HTATIP2: variants seen among roughly 807,000 people sequenced by gnomAD.
The protein encoded by HTATIP2 is protein HTATIP2.
Under a neutral mutation model 24.7 loss-of-function variants are expected in HTATIP2, and 26 were observed. The ratio of observed to expected loss-of-function variants is 1.05; its 90% CI spans 0.77 to 1.46. HTATIP2 has a LOEUF of 1.46. HTATIP2 is among the 40% of genes most tolerant of loss of function. The pLI is 0.00. For missense variants in HTATIP2, 284 were observed against 289.6 expected (o/e 0.98, Z 0.14); for synonymous variants, 99 against 113.2 (o/e 0.87, Z 0.79).
chr11:20,364,371 C>G lies in HTATIP2; in HGVS notation c.134C>G (p.Ser45Cys). 6.2e-7 allele frequency: 1 copy of G among 1,613,458 alleles called. No homozygotes were observed. The highest frequency in any genetic ancestry group is 8.5e-7 in the Non-Finnish European group (1 of 1,179,576). Reference sequence around the variant, plus strand: ...GAAATCCTGGAGCAGGGCCTGTTTTCCAAAGTCACGCTCATTGGCCGGAGG... The same window carrying G: ...GAAATCCTGGAGCAGGGCCTGTTTTGCAAAGTCACGCTCATTGGCCGGAGG... ...LKEILEQGLF[S>C]KVTLIGRRKL... Residue 45 changes from serine to cysteine, a missense_variant, in exon 1 of 5, where the codon TCC becomes TGC. Transcript: ENST00000451739.
chr11:20,369,035 T>C (rs781248979), intron 2 of HTATIP2, among the ~76,000 whole-genome samples: 21 of 152,200 alleles, frequency 1.4e-4, no homozygotes, highest in Non-Finnish European at 2.5e-4. Context: ...AGCTGACACT[T>C]ATACCAGAAA....
chr11:20,374,992 G>A (rs994935033), intron 2 of HTATIP2, among the ~76,000 whole-genome samples: 8 of 152,054 alleles, frequency 5.3e-5, no homozygotes, highest in Admixed American at 5.2e-4. Context: ...CACAATCACG[G>A]ATTAGTCATT....
intron 1 of HTATIP2, among the ~76,000 whole-genome samples, chr11:20,364,986 T>C (rs929511673): frequency 1.6e-4 from 24 of 150,432 alleles, no homozygotes; most frequent in African/African-American, 5.8e-4. Flanking sequence ...TTAAAGGTTT[T>C]TTTTTTTTTT....
At chr11:20,365,606 C>G (rs938999824) in intron 1 of HTATIP2, among the ~76,000 whole-genome samples, 1 of 152,176 alleles carries the variant, frequency 6.6e-6, no homozygotes, top group Non-Finnish European at 1.5e-5. Context: ...AAACAGACAT[C>G]TTTCCTCAGG....
At chr11:20,377,684 A>G (rs1260658832) in intron 3 of HTATIP2, among the ~76,000 whole-genome samples, 1 of 152,208 alleles carries the variant, frequency 6.6e-6, no homozygotes, top group Non-Finnish European at 1.5e-5. Flanking sequence ...CCAGCACTAC[A>G]GAGATTACTA....
Position 20,383,175 on chromosome 11 carries a change from G to A in HTATIP2, c.699G>A (p.Leu233=). ...ELLENKAIHD[L]GKAHGSLKP The stretch of plus-strand genomic sequence containing the variant: ...TGGAGAACAAGGCCATCCATGACCT[G>A]GGGAAAGCGCATGGCTCTCTCAAGC... Residue 233 remains leucine (L), a synonymous_variant, in exon 5 of 5, where the codon CTG becomes CTA. Coordinates refer to ENST00000451739, the MANE Select transcript of HTATIP2 (RefSeq NM_001098522.2). 1 of 1,613,752 alleles carries A rather than the reference G, an allele frequency of 6.2e-7. No individual in the cohort carries two copies.
chr11:20,378,930 G>A (rs919210118), intron 3 of HTATIP2, among the ~76,000 whole-genome samples: 3 of 152,102 alleles, frequency 2.0e-5, no homozygotes, highest in Non-Finnish European at 2.9e-5. Flanking sequence ...CCAGCTACTC[G>A]GGAGGCTGAG....
At position 20,377,151 on chromosome 11, in the gene HTATIP2, G is replaced by T. The variant is rs1361974424; in HGVS notation, c.441+434G>T. ...TTTCTTTTTTTTTTTTTTGAGACAG[G>T]TTCCCAGGCTGGAGTGCAGTGGCAT... On this transcript the variant is annotated intron_variant, in intron 3 of 4. Transcript: ENST00000451739. 4.2e-4 allele frequency among the ~76,000 whole-genome samples: 60 copies of T among 141,558 alleles called. No homozygotes were observed. In the Admixed American group the frequency reaches 4.3e-3, roughly 10 times the overall value. 92.9% of individuals were successfully genotyped at this position (141,558 alleles called of 152,430 possible). A position where few individuals can be genotyped will look rare whatever the true frequency, so the allele number is the denominator to read the frequency against.
intron 2 of HTATIP2, among the ~76,000 whole-genome samples, chr11:20,370,534 C>T (rs1469318823): frequency 6.6e-6 from 1 of 152,156 alleles, no homozygotes; most frequent in Non-Finnish European, 1.5e-5. Context: ...ATCTCATGGC[C>T]CATCTCATTA....
At chr11:20,379,748 C>T (rs1848492497) in intron 3 of HTATIP2, among the ~76,000 whole-genome samples, 1 of 152,164 alleles carries the variant, frequency 6.6e-6, no homozygotes, top group Admixed American at 6.5e-5. Context: ...TGAAGGTATA[C>T]TTTCCAGACA....
Position 20,383,268 on chromosome 11 carries a change from G to T in HTATIP2, c.*63G>T. 2 of 1,283,096 alleles carry T rather than the reference G, an allele frequency of 1.6e-6. No homozygotes were observed. Among genetic ancestry groups the T allele is most frequent in the South Asian group, 1.3e-5 (1 of 75,656 alleles). The allele number at this position is 1,283,096 out of a possible 1,614,324, so 79.5% of individuals were successfully genotyped here. A position where few individuals can be genotyped will look rare whatever the true frequency, so the allele number is the denominator to read the frequency against. On this transcript the variant is annotated 3_prime_UTR_variant, in exon 5 of 5. Transcript: ENST00000451739. ...ACCCATCACCAAATCGGTAATTTCA[G>T]GGTCTAAAAAAAGTCAGCATGTTTT...
At position 20,376,741 on chromosome 11, in the gene HTATIP2, A is replaced by T. The variant is rs554055658; in HGVS notation, c.441+24A>T. ...AGGTTTGTGCAAGTTTCTGTTTTTC[A>T]TACACTTTGGAGAACCCTAGCTATT... is the stretch of plus-strand genomic sequence containing the variant. On this transcript the variant is annotated intron_variant, in intron 3 of 4. Coordinates refer to ENST00000451739, the MANE Select transcript of HTATIP2 (RefSeq NM_001098522.2). 4.4e-6 allele frequency: 7 copies of T among 1,588,182 alleles called. No homozygotes were observed. The African/African-American group carries it at 9.6e-5, about 22-fold the overall frequency.
Position 20,383,288 on chromosome 11 carries a change from T to C in HTATIP2, c.*83T>C. 1 of 1,014,912 alleles carries C rather than the reference T, an allele frequency of 9.9e-7. No individual in the cohort carries two copies. The highest frequency in any genetic ancestry group is 1.5e-5 in the South Asian group (1 of 64,776). 62.9% of individuals were successfully genotyped at this position (1,014,912 alleles called of 1,614,324 possible). ...TTTCAGGGTCTAAAAAAAGTCAGCA[T>C]GTTTTAACTTTGTTGTTTTACTATC... On this transcript the variant is annotated 3_prime_UTR_variant, in exon 5 of 5. Coordinates refer to ENST00000451739, the MANE Select transcript of HTATIP2 (RefSeq NM_001098522.2).
intron 1 of HTATIP2, among the ~76,000 whole-genome samples, chr11:20,365,345 C>A (rs1422717102): frequency 6.6e-6 from 1 of 152,152 alleles, no homozygotes; most frequent in Non-Finnish European, 1.5e-5. Flanking sequence ...CTTGTCATGA[C>A]CCCCTAAATA....
chr11:20,369,623 A>T (rs1449493222), intron 2 of HTATIP2, among the ~76,000 whole-genome samples: 5 of 152,306 alleles, frequency 3.3e-5, no homozygotes, highest in Middle Eastern at 6.8e-3. Flanking sequence ...TGTAGATGGC[A>T]GCCTTCTCTT....
intron 3 of HTATIP2, among the ~76,000 whole-genome samples, chr11:20,380,726 A>G (rs1012379472): frequency 1.3e-5 from 2 of 151,116 alleles, no homozygotes; most frequent in African/African-American, 4.9e-5. Flanking sequence ...AATCTTGTGT[A>G]TGACTGTTCA....
intron 3 of HTATIP2, among the ~76,000 whole-genome samples, chr11:20,381,174 C>T: frequency 6.6e-6 from 1 of 152,214 alleles, no homozygotes; most frequent in Non-Finnish European, 1.5e-5. Context: ...CGCGGTGGCT[C>T]TCGCCTGTAA....
rs754930384 is a variant in HTATIP2, at chr11:20,376,668, C to T, written c.392C>T (p.Ser131Phe). Residue 131 changes from serine to phenylalanine, a missense_variant, in exon 3 of 5, where the codon TCC becomes TTC. Transcript: ENST00000451739. ...GGGTGCAAACATTTCAACTTGCTAT[C>T]CTCTAAAGGAGCTGATAAATCAAGC... ...AGGCKHFNLLSSKGADKSSNF... is the reference protein window; with the variant it reads ...AGGCKHFNLLFSKGADKSSNF... The T allele has an allele frequency of 1.3e-5, 21 of 1,612,924 alleles. No homozygotes were observed. Among genetic ancestry groups the T allele is most frequent in the Non-Finnish European group, 1.7e-5 (20 of 1,179,542 alleles).
chr11:20,381,891 GACTT>G (rs1029231224), intron 3 of HTATIP2, among the ~76,000 whole-genome samples: 21 of 152,314 alleles, frequency 1.4e-4, no homozygotes, highest in African/African-American at 5.1e-4. Context: ...ACTAACGTAT[GACTT>G]ACCCTCTCTG....
Sources: allele counts gnomAD v4.1 joint callset (sites outside exome capture counted in the v4.1 genomes callset), GRCh38; gene constraint gnomAD v4.1.1; transcripts MANE v1.5; gene names NCBI Gene and HGNC (gene_info 2026-07-23, HGNC 2026-07-21).